The following TECPR1 variants were observed in gnomAD, a reference collection of about 807,000 sequenced individuals.
The protein encoded by TECPR1 is tectonin beta-propeller repeat containing 1.
TECPR1 carries 122 observed loss-of-function variants against 162.4 expected under a neutral mutation model. The ratio of observed to expected loss-of-function variants is 0.75; its 90% CI spans 0.65 to 0.87. The LOEUF is 0.87. Among genes scored for constraint, TECPR1 ranks in the 40% least tolerant of loss-of-function variants. The pLI is 0.00. For missense variants in TECPR1, 1,432 were observed against 1,618.2 expected (o/e 0.88, Z 1.97); for synonymous variants, 642 against 670.6 (o/e 0.96, Z 0.66).
chr7:98,231,418 G>A (rs746539155), intron 13 of TECPR1, 45 bp from the exon 14 acceptor site: 2 of 1,544,690 alleles, frequency 1.3e-6, no homozygotes, highest in African/African-American at 1.4e-5. Context: ...CCCAGGGCAG[G>A]AGGCCTCTGG....
At position 98,233,571 on chromosome 7, in the gene TECPR1, C is replaced by T. The variant is rs761782295; in HGVS notation, c.1522G>A (p.Glu508Lys). Residue 508 changes from glutamate (E) to lysine (K), a missense_variant, in exon 11 of 26, where the codon GAG (glutamate) becomes AAG (lysine). Transcript: ENST00000447648. ...CCCAGAGAGGAGAGGCTGGTGGTCT[C>T]GGGGAAGCCAGCGGCCGAGTGGCTG... ...VPSHSAAGFP[E>K]TTSLSSLGLL... 31 of 1,596,800 alleles carry T rather than the reference C, an allele frequency of 1.9e-5. No homozygotes were observed. In the East Asian group the frequency reaches 2.5e-4, roughly 13 times the overall value.
intron 10 of TECPR1, among the ~76,000 whole-genome samples, chr7:98,235,849 A>AAAAAAAAAAAAAAAAAAGAACAAC: frequency 9.1e-6 from 1 of 110,258 alleles, no homozygotes; most frequent in South Asian, 2.6e-4. Context: ...AAAAAAAAAA[A>AAAAAAAAAAAAAAAAAAGAACAAC]AACACCATCT....
chr7:98,237,103 G>A (rs113172006), intron 9 of TECPR1, among the ~76,000 whole-genome samples, 182 bp from the exon 10 acceptor site: 4 of 152,050 alleles, frequency 2.6e-5, no homozygotes, highest in African/African-American at 9.6e-5. Context: ...CTCAGGAGAA[G>A]CTGCGACCTG....
intron 14 of TECPR1, 47 bp from the exon 15 acceptor site, chr7:98,231,165 C>A (rs763536799): frequency 1.7e-5 from 27 of 1,607,152 alleles, no homozygotes; most frequent in Non-Finnish European, 2.0e-5. Flanking sequence ...CAGGCCAGGC[C>A]AGGCCACCCC....
chr7:98,241,392 A>C lies in TECPR1; in HGVS notation c.658-148T>G. 16 of 877,886 alleles carry C rather than the reference A, an allele frequency of 1.8e-5. No individual in the cohort carries two copies. The highest frequency in any genetic ancestry group is 5.6e-5 in the South Asian group (3 of 54,036). 54.4% of individuals were successfully genotyped at this position (877,886 alleles called of 1,614,324 possible). On this transcript the variant is annotated intron_variant, in intron 6 of 25. Coordinates refer to ENST00000447648, the MANE Select transcript of TECPR1 (RefSeq NM_015395.3). The surrounding 1 kb of genome is among the most constrained non-coding windows in gnomAD (Gnocchi z 5.0). Reference sequence around the variant, plus strand: ...CCCCTACCCCGGCCAAAAAACGCAAACCCTGGATTCCGGTGGTCCTGAGGG... The same window carrying C: ...CCCCTACCCCGGCCAAAAAACGCAACCCCTGGATTCCGGTGGTCCTGAGGG...
chr7:98,242,511 C>T (rs986013387), intron 6 of TECPR1, among the ~76,000 whole-genome samples: 4 of 150,818 alleles, frequency 2.7e-5, no homozygotes, highest in Non-Finnish European at 4.4e-5. Context: ...TCTATCCATA[C>T]ACCCACTCAC....
At chr7:98,227,391 CAAA>C (rs199953374) in intron 17 of TECPR1, among the ~76,000 whole-genome samples, 1 of 118,768 alleles carries the variant, frequency 8.4e-6, no homozygotes, top group African/African-American at 3.1e-5. Flanking sequence ...GACTCGGTCT[CAAA>C]AAAAAAAAAA....
chr7:98,221,290 G>A (rs1208324594), intron 23 of TECPR1, among the ~76,000 whole-genome samples: 2 of 151,994 alleles, frequency 1.3e-5, no homozygotes, highest in Non-Finnish European at 2.9e-5. Flanking sequence ...AGACAAGAGC[G>A]AAACTCCATC....
rs1438213637 is a variant in TECPR1, at chr7:98,241,728, C to T, written c.658-484G>A. ...TTTAGCTGGGGGAGACTACATGTCA[C>T]TTCGTGATCCAGAAAGGGCAAGGGA... On this transcript the variant is annotated intron_variant, in intron 6 of 25. Transcript: ENST00000447648. The surrounding 1 kb of genome is among the most constrained non-coding windows in gnomAD (Gnocchi z 5.0). Among the ~76,000 whole-genome samples the T allele has an allele frequency of 6.6e-6, 1 of 152,202 alleles. No individual in the cohort carries two copies. Among genetic ancestry groups the T allele is most frequent in the African/African-American group, 2.4e-5 (1 of 41,452 alleles).
intron 8 of TECPR1, among the ~76,000 whole-genome samples, chr7:98,238,842 C>T (rs555665807): frequency 2.9e-4 from 44 of 152,358 alleles, no homozygotes; most frequent in African/African-American, 1.0e-3. Context: ...TGAGGGTCCT[C>T]TGGCCTCAGC....
intron 5 of TECPR1, 37 bp from the exon 6 acceptor site, chr7:98,243,629 C>T (rs1798827148): frequency 6.3e-7 from 1 of 1,597,200 alleles, no homozygotes; most frequent in African/African-American, 1.3e-5. Flanking sequence ...GCAGTCAGCG[C>T]CCAGTGGGCA....
chr7:98,235,523 TAAA>T (rs35562090), intron 10 of TECPR1, among the ~76,000 whole-genome samples: 4 of 116,652 alleles, frequency 3.4e-5, no homozygotes, highest in African/African-American at 3.4e-5. Flanking sequence ...AGACTCCGTC[TAAA>T]AAAAAAAAAA....
chr7:98,230,864 C>T, intron 15 of TECPR1, 97 bp downstream of exon 15: 1 of 1,465,586 alleles, frequency 6.8e-7, no homozygotes, highest in Non-Finnish European at 9.1e-7. Context: ...AGAAGCTTGA[C>T]CCTGCGTGGA....
At chr7:98,222,685 A>C (rs1222216740) in intron 21 of TECPR1, 164 bp from the exon 22 acceptor site, 1 of 942,658 alleles carries the variant, frequency 1.1e-6, no homozygotes, top group African/African-American at 1.7e-5. Flanking sequence ...GCTTGTTGAA[A>C]TCCTGGGCGC....
chr7:98,242,888 A>AAC (rs1798796081), intron 6 of TECPR1, among the ~76,000 whole-genome samples: 1 of 9,708 alleles, frequency 1.0e-4, no homozygotes, highest in African/African-American at 2.1e-4. Flanking sequence ...ATCTACCCAT[A>AAC]CACCCACCCA....
chr7:98,232,911 C>T lies in TECPR1; in HGVS notation c.1734G>A (p.Trp578Ter). 2 of 1,612,914 alleles carry T rather than the reference C, an allele frequency of 1.2e-6. No homozygotes were observed. The highest frequency in any genetic ancestry group is 1.7e-4 in the Middle Eastern group (1 of 6,052). The stretch of plus-strand genomic sequence containing the variant: ...TGAGCTGCTGGAAGATCTGCTTCCT[C>T]CAGGCAGCGGTCTGGGCCGGCGTGA... ...LSITPAQTAA[W>*]RKQIFQQLTE... The change falls in exon 12 of 26, where the codon TGG becomes TGA. Residue 578 changes from tryptophan to a stop codon, truncating the protein, a stop_gained. Coordinates refer to ENST00000447648, the MANE Select transcript of TECPR1 (RefSeq NM_015395.3). LOFTEE classifies it high-confidence loss of function. This position sits in a 1 kb window ranked among gnomAD's most constrained non-coding sequence, Gnocchi z 4.6.
chr7:98,229,260 T>C (rs1430761509), intron 15 of TECPR1, 94 bp from the exon 16 acceptor site: 10 of 1,472,850 alleles, frequency 6.8e-6, no homozygotes, highest in Non-Finnish European at 9.1e-6. Flanking sequence ...CCTGTGGTTC[T>C]GGGATTTTCC....
At chr7:98,248,226 A>G (rs1798962919) in intron 2 of TECPR1, among the ~76,000 whole-genome samples, 1 of 152,186 alleles carries the variant, frequency 6.6e-6, no homozygotes, top group African/African-American at 2.4e-5. Context: ...AGCCAAACAC[A>G]GAGCTACTGG....
At chr7:98,235,353 A>G (rs890478778) in intron 10 of TECPR1, among the ~76,000 whole-genome samples, 2 of 151,866 alleles carry the variant, frequency 1.3e-5, no homozygotes, top group South Asian at 2.1e-4. Flanking sequence ...GTGAAACCTG[A>G]TCTCTACTAA....
Sources: gnomAD v4.1 joint callset for allele counts (sites outside exome capture counted in the v4.1 genomes callset) on GRCh38, gnomAD v4.1.1 for gene constraint, Gnocchi (gnomAD v3.1) non-coding constraint, MANE v1.5 for transcripts, NCBI Gene and HGNC (gene_info 2026-07-23, HGNC 2026-07-21) for gene names.